The following PLEKHA5 variants were observed in gnomAD, a reference collection of about 807,000 sequenced individuals.
PLEKHA5 encodes pleckstrin homology domain-containing family A member 5.
In PLEKHA5, 55 loss-of-function variants were observed where a neutral mutation model predicts 181.9. The observed-to-expected ratio is 0.30, with a 90% CI of 0.24 to 0.38. The LOEUF (loss-of-function observed/expected upper bound fraction) is 0.38. PLEKHA5 is among the 10% of genes least tolerant of loss of function. The pLI is 1.00. For synonymous variants in PLEKHA5, 535 were observed against 529.4 expected (o/e 1.01, Z -0.15); for missense variants, 1,432 against 1,549.5 (o/e 0.92, Z 1.27).
At chr12:19,316,944 A>G (rs2089026782) in intron 16 of PLEKHA5, among the ~76,000 whole-genome samples, 1 of 152,172 alleles carries the variant, frequency 6.6e-6, no homozygotes, top group South Asian at 2.1e-4. Flanking sequence ...AAAATGTTTT[A>G]TAACCTATTT....
chr12:19,257,079 G>T (rs2067076262), intron 5 of PLEKHA5, among the ~76,000 whole-genome samples: 2 of 152,048 alleles, frequency 1.3e-5, no homozygotes, highest in Non-Finnish European at 2.9e-5. Context: ...CTGTCATTTG[G>T]TTTATTCTTA....
intron 31 of PLEKHA5, chr12:19,372,450 A>G (rs934575925): frequency 1.6e-4 from 21 of 133,812 alleles, no homozygotes; most frequent in African/African-American, 5.5e-4. Flanking sequence ...GATTCTGGAT[A>G]TTAGTCCTTT....
In PLEKHA5 at chr12:19,269,778, T is replaced by C. The variant is rs752326512; in HGVS notation, c.720T>C (p.His240=). Residue 240 remains histidine, a synonymous_variant, in exon 9 of 32, where the codon CAT becomes CAC. Coordinates refer to ENST00000429027, the MANE Select transcript of PLEKHA5 (RefSeq NM_001256470.2). ...INRKYAFKAA[H]PNMRTYYFCT... The stretch of plus-strand genomic sequence containing the variant: ...GTGTCATTTTCAATCAGGCAGCCCA[T>C]CCAAACATGCGGACCTATTATTTCT... The C allele has an allele frequency of 6.4e-6, 10 of 1,572,738 alleles. No homozygotes were observed. The highest frequency in any genetic ancestry group is 7.8e-6 in the Non-Finnish European group (9 of 1,146,638).
chr12:19,262,471 T>C (rs979939709), intron 7 of PLEKHA5, among the ~76,000 whole-genome samples: 5 of 152,144 alleles, frequency 3.3e-5, no homozygotes, highest in African/African-American at 1.2e-4. Flanking sequence ...ACTCCTGACC[T>C]TAAATGATCC....
chr12:19,336,658 T>C (rs780421968), intron 21 of PLEKHA5, 42 bp downstream of exon 21: 6 of 1,086,746 alleles, frequency 5.5e-6, no homozygotes, highest in Non-Finnish European at 8.4e-6. Context: ...TAACTGTTTT[T>C]ACTGGTACTG....
At chr12:19,178,310 C>T (rs2047776369) in intron 3 of PLEKHA5, among the ~76,000 whole-genome samples, 1 of 152,138 alleles carries the variant, frequency 6.6e-6, no homozygotes, top group Admixed American at 6.5e-5. Context: ...TCATTATTCC[C>T]TAGGTAAATG....
chr12:19,132,378 T>C lies in PLEKHA5; in HGVS notation c.170-15T>C. 3.1e-6 allele frequency: 4 copies of C among 1,280,606 alleles called. No individual in the cohort carries two copies. Among genetic ancestry groups the C allele is most frequent in the Non-Finnish European group, 4.5e-6 (4 of 886,492 alleles). The allele number at this position is 1,280,606 out of a possible 1,614,324, so 79.3% of individuals were successfully genotyped here. On this transcript the variant is annotated splice_polypyrimidine_tract_variant and intron_variant, in intron 2 of 31. Transcript: ENST00000429027. ...CATTGAAGTAATACTAATTGTAATA[T>C]ATGTATTGTTTTAGATTTGCCTACT...
chr12:19,241,352 A>G (rs2062552038), intron 3 of PLEKHA5, among the ~76,000 whole-genome samples: 1 of 152,162 alleles, frequency 6.6e-6, no homozygotes, highest in South Asian at 2.1e-4. Context: ...TGGAGGATAG[A>G]CTCAATAGTG....
At chr12:19,235,132 T>C (rs906794696) in intron 3 of PLEKHA5, among the ~76,000 whole-genome samples, 6 of 152,208 alleles carry the variant, frequency 3.9e-5, no homozygotes, top group Admixed American at 1.3e-4. Flanking sequence ...CTAAAACATA[T>C]GCAAACCCTT....
intron 11 of PLEKHA5, among the ~76,000 whole-genome samples, chr12:19,282,969 G>A (rs2076491631): frequency 1.3e-5 from 2 of 151,746 alleles, no homozygotes; most frequent in Non-Finnish European, 2.9e-5. Context: ...GCCGAAGTGG[G>A]TGGATTACCT....
chr12:19,287,672 T>C, intron 13 of PLEKHA5, 116 bp downstream of exon 13: 1 of 658,498 alleles, frequency 1.5e-6, no homozygotes, highest in Non-Finnish European at 2.7e-6. Context: ...AGAAAAAACA[T>C]TACTGCTTTT....
intron 3 of PLEKHA5, among the ~76,000 whole-genome samples, chr12:19,230,882 G>A (rs1454521717): frequency 3.3e-5 from 5 of 152,322 alleles, no homozygotes; most frequent in South Asian, 2.1e-4. Context: ...GAGAGCACGC[G>A]AGGGCTGCCA....
At chr12:19,146,205 G>A (rs539451986) in intron 3 of PLEKHA5, among the ~76,000 whole-genome samples, 10 of 152,276 alleles carry the variant, frequency 6.6e-5, no homozygotes, top group Non-Finnish European at 1.0e-4. Context: ...GCCAGCACTT[G>A]GTGTTACTGT....
chr12:19,367,016 G>C (rs922446609), intron 30 of PLEKHA5, among the ~76,000 whole-genome samples: 2 of 151,766 alleles, frequency 1.3e-5, no homozygotes, highest in Non-Finnish European at 2.9e-5. Flanking sequence ...CTCCCTAGTA[G>C]CTGGGACTAC....
intron 16 of PLEKHA5, among the ~76,000 whole-genome samples, chr12:19,317,617 C>G (rs548418645): frequency 3.3e-5 from 5 of 151,662 alleles, no homozygotes; most frequent in Non-Finnish European, 5.9e-5. Context: ...TGTTCATATA[C>G]TCTAAAATAT....
intron 5 of PLEKHA5, among the ~76,000 whole-genome samples, chr12:19,256,258 A>G (rs1240579476): frequency 6.6e-6 from 1 of 152,210 alleles, no homozygotes; most frequent in Non-Finnish European, 1.5e-5. Context: ...AAGATCAGAA[A>G]GTTTCATAAC....
In PLEKHA5 at chr12:19,130,163, C is replaced by T. The variant is rs1488440827; in HGVS notation, c.169+33C>T. On this transcript the variant is annotated intron_variant, in intron 2 of 31. Transcript: ENST00000429027. This position sits in a 1 kb window ranked among gnomAD's most constrained non-coding sequence, Gnocchi z 4.5. ...CGGGCCCAAACGGAGTTGGGCTCCG[C>T]CTGGAGGAGGCGGCAGAGCCCGGGC... The T allele has an allele frequency of 7.0e-7, 1 of 1,437,778 alleles. No individual in the cohort carries two copies. Among genetic ancestry groups the T allele is most frequent in the South Asian group, 1.3e-5 (1 of 78,538 alleles). The allele number at this position is 1,437,778 out of a possible 1,614,324, so 89.1% of individuals were successfully genotyped here.
intron 15 of PLEKHA5, among the ~76,000 whole-genome samples, chr12:19,310,035 A>T (rs1034675130): frequency 6.6e-6 from 1 of 152,218 alleles, no homozygotes; most frequent in Non-Finnish European, 1.5e-5. Context: ...ATACATTTTC[A>T]TTCCTATTAT....
At chr12:19,259,294 G>C (rs1056752783) in intron 6 of PLEKHA5, among the ~76,000 whole-genome samples, 4 of 152,210 alleles carry the variant, frequency 2.6e-5, no homozygotes, top group Non-Finnish European at 2.9e-5. Flanking sequence ...CTTGAGCCCA[G>C]GATTTGAGCT....
Sources: allele counts gnomAD v4.1 joint callset (sites outside exome capture counted in the v4.1 genomes callset), GRCh38; gene constraint gnomAD v4.1.1; non-coding constraint Gnocchi (gnomAD v3.1); transcripts MANE v1.5; gene names NCBI Gene and HGNC (gene_info 2026-07-23, HGNC 2026-07-21).